COL5A1: variants seen among roughly 807,000 people sequenced by gnomAD.
COL5A1 encodes collagen alpha-1(V) chain.
A neutral mutation model predicts 263.7 loss-of-function variants in COL5A1; 16 were observed. The ratio of observed to expected loss-of-function variants is 0.06; its 90% confidence interval spans 0.04 to 0.09. COL5A1 has a LOEUF of 0.09. Among genes scored for constraint, COL5A1 ranks in the 10% least tolerant of loss-of-function variants. The probability of loss-of-function intolerance (pLI) is 1.00; values close to 1 mark genes in which losing one functional copy is unlikely to be tolerated. For synonymous variants in COL5A1, 1,012 were observed against 1,004.5 expected (o/e 1.01, Z -0.14); for missense variants, 2,036 against 2,540.5 (o/e 0.80, Z 4.27).
chr9:134,732,126 C>T lies in COL5A1; in HGVS notation c.1388C>T (p.Pro463Leu), dbSNP rs201375465. 27 of 1,614,220 alleles carry T rather than the reference C, an allele frequency of 1.7e-5. No individual in the cohort carries two copies. In the East Asian group the frequency reaches 1.8e-4, roughly 11 times the overall value. ...AAGGGAGAACCAGCGATTATCGAGC[C>T]GGTGAGGACATTTTCTCATTCCCTC... ...GQKGEPAIIEPGMLIEGPPGP... is the reference protein window; with the variant it reads ...GQKGEPAIIELGMLIEGPPGP... The change falls in exon 9 of 66, where the codon CCG becomes CTG. Residue 463 changes from proline (P) to leucine (L), a missense_variant and splice_region_variant. By Grantham distance (98) the Pro-to-Leu change is moderately conservative. Around this residue, in one of 3 missense-constraint regions of COL5A1, gnomAD observed 600 missense variants for 634.5 expected, o/e 0.95. Coordinates refer to ENST00000371817, the MANE Select transcript of COL5A1 (RefSeq NM_000093.5).
In COL5A1 at chr9:134,696,287, C is replaced by T. The variant is rs1363035748; in HGVS notation, c.278-3622C>T. 2.0e-5 allele frequency among the ~76,000 whole-genome samples: 3 copies of T among 152,120 alleles called. No individual in the cohort carries two copies. Among genetic ancestry groups the T allele is most frequent in the Non-Finnish European group, 4.4e-5 (3 of 68,038 alleles). On this transcript the variant is annotated intron_variant, in intron 2 of 65. Coordinates refer to ENST00000371817, the MANE Select transcript of COL5A1 (RefSeq NM_000093.5). The surrounding 1 kb of genome is among the most constrained non-coding windows in gnomAD (Gnocchi z 4.3). The stretch of plus-strand genomic sequence containing the variant: ...CTCCCAGGTTCAAGCGATTCTCCTG[C>T]CTCAGCCCCCCGAGTAGTTGGGATT...
At chr9:134,809,134 G>A (rs181038463) in intron 42 of COL5A1, 49 bp from the exon 43 acceptor site, 2 of 1,462,406 alleles carry the variant, frequency 1.4e-6, no homozygotes, top group East Asian at 2.5e-5. Flanking sequence ...GTGGGGGGAT[G>A]TTCCCAGGTT....
At chr9:134,735,108 G>A (rs548221756) in intron 9 of COL5A1, among the ~76,000 whole-genome samples, 4 of 151,912 alleles carry the variant, frequency 2.6e-5, no homozygotes, top group Non-Finnish European at 5.9e-5. Flanking sequence ...AGCTACTCTG[G>A]AGGCTGAGGC....
chr9:134,835,123 C>T lies in COL5A1; in HGVS notation c.5289C>T (p.Ala1763=), dbSNP rs1839803777. 3 of 1,613,834 alleles carry T rather than the reference C, an allele frequency of 1.9e-6. No homozygotes were observed. The highest frequency in any genetic ancestry group is 1.7e-6 in the Non-Finnish European group (2 of 1,180,024). The part of the protein sequence containing the change: ...QDAATGSYDK[A]LRFLGSNDEE... ...CAGCCACGGGCAGCTACGACAAGGC[C>T]CTCCGCTTCCTGGGCTCCAACGACG... The change falls in exon 65 of 66, where the codon GCC becomes GCT. Residue 1763 remains alanine (A), a synonymous_variant. Coordinates refer to ENST00000371817, the MANE Select transcript of COL5A1 (RefSeq NM_000093.5).
intron 36 of COL5A1, 72 bp from the exon 37 acceptor site, chr9:134,798,336 G>T (rs73561905): frequency 7.2e-7 from 1 of 1,384,442 alleles, no homozygotes; most frequent in Non-Finnish European, 1.0e-6. Flanking sequence ...GTCACTCCAC[G>T]TGGCATTAAT....
chr9:134,784,468 G>A (rs960652986), intron 29 of COL5A1, among the ~76,000 whole-genome samples: 5 of 152,212 alleles, frequency 3.3e-5, no homozygotes, highest in African/African-American at 9.6e-5. Context: ...GAAGTTGGAC[G>A]AGGCGGAATT....
chr9:134,730,357 C>T lies in COL5A1; in HGVS notation c.1046C>T (p.Pro349Leu). 6.2e-7 allele frequency: 1 copy of T among 1,614,238 alleles called. No individual in the cohort carries two copies. Among genetic ancestry groups the T allele is most frequent in the Non-Finnish European group, 8.5e-7 (1 of 1,180,038 alleles). Residue 349 changes from proline to leucine, a missense_variant, in exon 7 of 66, where the codon CCC becomes CTC. Around this residue, in one of 3 missense-constraint regions of COL5A1, gnomAD observed 600 missense variants for 634.5 expected, o/e 0.95. Transcript: ENST00000371817. The stretch of plus-strand genomic sequence containing the variant: ...GTGCCCAGTGAGGACTACTACACGC[C>T]CTCACCGTATGATGACCTCACCTAT... ...DYVPSEDYYTPSPYDDLTYGE... is the reference protein window; with the variant it reads ...DYVPSEDYYTLSPYDDLTYGE...
chr9:134,809,080 C>T, intron 42 of COL5A1, 103 bp from the exon 43 acceptor site: 5 of 1,038,048 alleles, frequency 4.8e-6, no homozygotes, highest in Non-Finnish European at 7.4e-6. Flanking sequence ...CCCTCACCAA[C>T]TCCCACTTCC....
chr9:134,687,767 C>A (rs185500426), intron 1 of COL5A1, among the ~76,000 whole-genome samples: 8 of 152,304 alleles, frequency 5.3e-5, no homozygotes, highest in Admixed American at 5.2e-4. Flanking sequence ...TGATGGGCCC[C>A]TGCCTGGCTG....
intron 26 of COL5A1, 99 bp from the exon 27 acceptor site, chr9:134,774,760 C>A: frequency 1.6e-6 from 2 of 1,266,476 alleles, no homozygotes; most frequent in East Asian, 2.5e-5. Flanking sequence ...TCGCCCTGCT[C>A]TCAGCAGGAG....
rs116596472 is a variant in COL5A1, at chr9:134,723,639, G to T, written c.655-3627G>T. Among the ~76,000 whole-genome samples the T allele has an allele frequency of 3.4e-3, 519 of 152,296 alleles. 3 individuals are homozygous for T. Among genetic ancestry groups the T allele is most frequent in the African/African-American group, 0.012 (489 of 41,558 alleles). On this transcript the variant is annotated intron_variant, in intron 4 of 65. Transcript: ENST00000371817. ...TCCTGAGTCCTGCAAGGGAACGGGT[G>T]CTGGCGTGCACCCAGGCACCGGACG...
At position 134,682,678 on chromosome 9, in the gene COL5A1, G is replaced by A. The variant is rs1371992026; in HGVS notation, c.110-8234G>A. On this transcript the variant is annotated intron_variant, in intron 1 of 65. Coordinates refer to ENST00000371817, the MANE Select transcript of COL5A1 (RefSeq NM_000093.5). The surrounding 1 kb of genome is among the most constrained non-coding windows in gnomAD (Gnocchi z 5.1). ...AACAGTGGGCACTGCTCCGGCTCAG[G>A]GGGGCACCGGGACGGGGGAGCTGAG... Among the ~76,000 whole-genome samples, 1 of 152,160 alleles carries A rather than the reference G, an allele frequency of 6.6e-6. No homozygotes were observed. The highest frequency in any genetic ancestry group is 6.5e-5 in the Admixed American group (1 of 15,280).
chr9:134,752,711 G>A, intron 14 of COL5A1, 66 bp downstream of exon 14: 1 of 1,297,146 alleles, frequency 7.7e-7, no homozygotes, highest in South Asian at 1.2e-5. Context: ...TGTGTCGTTG[G>A]CGGACAGTGG....
rs1287962990 is a variant in COL5A1, at chr9:134,772,837, G to C, written c.2331+3G>C. 6.2e-7 allele frequency: 1 copy of C among 1,613,774 alleles called. No homozygotes were observed. The highest frequency in any genetic ancestry group is 1.1e-5 in the South Asian group (1 of 91,078). On this transcript the variant is annotated splice_donor_region_variant and intron_variant, in intron 26 of 65. Coordinates refer to ENST00000371817, the MANE Select transcript of COL5A1 (RefSeq NM_000093.5). ...CTCCAGGAGAGAAAGGAGGTCAGGT[G>C]GGTGCTCGCCACGCCCTCCTACCCT...
In COL5A1 at chr9:134,794,737, G is replaced by A. The variant is rs1256262292; in HGVS notation, c.2701-345G>A. Among the ~76,000 whole-genome samples the A allele has an allele frequency of 1.3e-5, 2 of 152,098 alleles. No individual in the cohort carries two copies. The highest frequency in any genetic ancestry group is 4.8e-5 in the African/African-American group (2 of 41,434). On this transcript the variant is annotated intron_variant, in intron 32 of 65. Transcript: ENST00000371817. This position sits in a 1 kb window ranked among gnomAD's most constrained non-coding sequence, Gnocchi z 4.3. ...CCTGCTGAGGACAGAGAGAGAAAGAGAGATGAGGAGGAGGGGAAGGAGGGA... is the reference window on the plus strand; with the variant it reads ...CCTGCTGAGGACAGAGAGAGAAAGAAAGATGAGGAGGAGGGGAAGGAGGGA...
At chr9:134,831,267 G>A (rs77114082) in intron 64 of COL5A1, among the ~76,000 whole-genome samples, 1,868 of 152,262 alleles carry the variant, frequency 0.012, 30 homozygotes, top group African/African-American at 0.042. Flanking sequence ...TTCATCTCTC[G>A]TGCCCTCATT....
intron 1 of COL5A1, among the ~76,000 whole-genome samples, chr9:134,660,827 CTT>C (rs1225840633): frequency 6.6e-6 from 1 of 152,166 alleles, no homozygotes; most frequent in Admixed American, 6.5e-5. Context: ...GGCAAGGTCT[CTT>C]TGAGTTCTTC....
chr9:134,772,320 G>A (rs2132740919), intron 25 of COL5A1, among the ~76,000 whole-genome samples: 1 of 152,370 alleles, frequency 6.6e-6, no homozygotes, highest in South Asian at 2.1e-4. Flanking sequence ...AAGCAGGGAT[G>A]CCAGGAACCT....
At chr9:134,690,754 G>A (rs1185144522) in intron 1 of COL5A1, among the ~76,000 whole-genome samples, 158 bp from the exon 2 acceptor site, 1 of 152,170 alleles carries the variant, frequency 6.6e-6, no homozygotes, top group African/African-American at 2.4e-5. Flanking sequence ...GCCCTGCCTC[G>A]CCCAGCACGC....
Sources: gnomAD v4.1 joint callset for allele counts (sites outside exome capture counted in the v4.1 genomes callset) on GRCh38, gnomAD v4.1.1 for gene constraint, gnomAD v4.1.1 regional missense constraint, Gnocchi (gnomAD v3.1) non-coding constraint, MANE v1.5 for transcripts, NCBI Gene and HGNC (gene_info 2026-07-23, HGNC 2026-07-21) for gene names.